The following HCN1 variants were observed in gnomAD, a reference collection of about 807,000 sequenced individuals.
The protein encoded by HCN1 is hyperpolarization activated cyclic nucleotide gated potassium channel 1, also known as potassium/sodium hyperpolarization-activated cyclic nucleotide-gated channel 1.
In HCN1, 13 loss-of-function variants were observed where a neutral mutation model predicts 78.9. The ratio of observed to expected loss-of-function variants is 0.16; its 90% CI spans 0.11 to 0.26. The LOEUF (loss-of-function observed/expected upper bound fraction) is 0.26, where lower values mean the gene tolerates loss of function less well. HCN1 is among the 10% of genes least tolerant of loss of function. HCN1 has a pLI of 1.00. For synonymous variants in HCN1, 552 were observed against 455.5 expected (o/e 1.21, Z -2.70); for missense variants, 810 against 1,154.3 (o/e 0.70, Z 4.32).
intron 3 of HCN1, among the ~76,000 whole-genome samples, chr5:45,430,539 T>C (rs950134474): frequency 1.4e-4 from 21 of 152,124 alleles, no homozygotes; most frequent in Non-Finnish European, 2.9e-5. Context: ...CGAGAATATG[T>C]GGTATTATTC....
At chr5:45,365,956 TA>T (rs1364469681) in intron 4 of HCN1, among the ~76,000 whole-genome samples, 1 of 151,870 alleles carries the variant, frequency 6.6e-6, no homozygotes, top group East Asian at 1.9e-4. Context: ...TTTAATTTCT[TA>T]AAATTAGATG....
chr5:45,592,885 C>A (rs1341147934), intron 2 of HCN1, among the ~76,000 whole-genome samples: 2 of 152,144 alleles, frequency 1.3e-5, no homozygotes, highest in Non-Finnish European at 2.9e-5. Flanking sequence ...GCCTAGATAA[C>A]TTCACTTAGG....
At position 45,369,517 on chromosome 5, in the gene HCN1, G is replaced by A. The variant is rs546236625; in HGVS notation, c.1231-16271C>T. Among the ~76,000 whole-genome samples, 539 of 152,166 alleles carry A rather than the reference G, an allele frequency of 3.5e-3. 3 individuals are homozygous for A. Among genetic ancestry groups the A allele is most frequent in the Non-Finnish European group, 6.5e-3 (439 of 68,002 alleles). On this transcript the variant is annotated intron_variant, in intron 4 of 7. Transcript: ENST00000303230. ...GTCCTTGCTCACTCAGCCCCAGCCTGATTGGTACTCTCAAGCCTGGAAGGA... is the reference window on the plus strand; with the variant it reads ...GTCCTTGCTCACTCAGCCCCAGCCTAATTGGTACTCTCAAGCCTGGAAGGA...
In HCN1 at chr5:45,255,968, G is replaced by A. The variant is rs1265325039; in HGVS notation, c.*5953C>T. ...ATATAATCTATTGGAAACATAAAGT[G>A]GTCCTCTTTTGAAGAATTATTATAT... On this transcript the variant is annotated 3_prime_UTR_variant, in exon 8 of 8. Transcript: ENST00000303230. 1 of 151,980 alleles carries A rather than the reference G, an allele frequency of 6.6e-6. No homozygotes were observed. The highest frequency in any genetic ancestry group is 1.5e-5 in the Non-Finnish European group (1 of 68,004). The allele number at this position is 151,980 out of a possible 1,614,324, so 9.4% of individuals were successfully genotyped here.
At chr5:45,436,369 G>A (rs964242852) in intron 3 of HCN1, among the ~76,000 whole-genome samples, 1 of 152,144 alleles carries the variant, frequency 6.6e-6, no homozygotes, top group Non-Finnish European at 1.5e-5. Context: ...CTTAAGGCAG[G>A]GGGGAGGTTC....
intron 2 of HCN1, among the ~76,000 whole-genome samples, chr5:45,561,318 T>C (rs1743596774): frequency 6.6e-6 from 1 of 152,100 alleles, no homozygotes. Flanking sequence ...TTTTTTGGCA[T>C]ATTATTTATT....
intron 2 of HCN1, among the ~76,000 whole-genome samples, chr5:45,633,738 GTC>G (rs922100526): frequency 4.6e-5 from 7 of 151,864 alleles, no homozygotes; most frequent in Non-Finnish European, 1.0e-4. Context: ...TCACATGAAA[GTC>G]TCTCATTTTT....
At chr5:45,526,147 G>C (rs1415845430) in intron 2 of HCN1, among the ~76,000 whole-genome samples, 2 of 152,054 alleles carry the variant, frequency 1.3e-5, no homozygotes, top group African/African-American at 2.4e-5. Context: ...TAATTTGTTA[G>C]AGCGGCCCAG....
rs147251558 is a variant in HCN1, at chr5:45,515,655, A to T, written c.850-53648T>A. On this transcript the variant is annotated intron_variant, in intron 2 of 7. Transcript: ENST00000303230. ...TATTCCTGCAATGATACCATAAGAA[A>T]ATGAGGCTACAATTCTACTAACGTC... is the stretch of plus-strand genomic sequence containing the variant. Among the ~76,000 whole-genome samples the T allele has an allele frequency of 1.1e-4, 16 of 152,072 alleles. 1 individual carries two copies. The East Asian group carries it at 3.1e-3, about 29-fold the overall frequency.
At chr5:45,354,723 G>A (rs1169450245) in intron 4 of HCN1, among the ~76,000 whole-genome samples, 1 of 151,972 alleles carries the variant, frequency 6.6e-6, no homozygotes, top group Non-Finnish European at 1.5e-5. Flanking sequence ...TAACCAGACT[G>A]TCCATCAAAC....
At position 45,695,935 on chromosome 5, in the gene HCN1, G is replaced by A. The variant is rs10066808; in HGVS notation, c.159C>T (p.His53=). The A allele has an allele frequency of 2.8e-5, 40 of 1,423,114 alleles. No homozygotes were observed. In the African/African-American group the frequency reaches 5.0e-4, roughly 18 times the overall value. 88.2% of individuals were successfully genotyped at this position (1,423,114 alleles called of 1,614,324 possible). ...PGGGGAGAKE[H]GNSVCFKVDG... is the part of the protein sequence containing the mutation. ...CCACCTTGAAGCACACGGAGTTGCC[G>A]TGCTCCTTCGCGCCGGCCCCGCCGC... Residue 53 remains histidine (H), a synonymous_variant, in exon 1 of 8, where the codon CAC becomes CAT. Coordinates refer to ENST00000303230, the MANE Select transcript of HCN1 (RefSeq NM_021072.4).
At chr5:45,679,534 A>G (rs4437383) in intron 1 of HCN1, among the ~76,000 whole-genome samples, 41,308 of 151,886 alleles carry the variant, frequency 0.27, 5,702 homozygotes, top group East Asian at 0.32. Context: ...ACAACATAGA[A>G]GCATGCATTT....
chr5:45,460,368 C>A (rs1311872013), intron 3 of HCN1, among the ~76,000 whole-genome samples: 1 of 152,008 alleles, frequency 6.6e-6, no homozygotes, highest in Non-Finnish European at 1.5e-5. Context: ...AACGTGCTGG[C>A]ACCTTCATCT....
intron 2 of HCN1, among the ~76,000 whole-genome samples, chr5:45,585,354 C>A (rs940090257): frequency 4.6e-5 from 7 of 152,136 alleles, no homozygotes; most frequent in Non-Finnish European, 7.3e-5. Flanking sequence ...TCATGTAGTT[C>A]TCGTGCCATG....
At chr5:45,302,133 G>A (rs1745638885) in intron 6 of HCN1, among the ~76,000 whole-genome samples, 1 of 152,012 alleles carries the variant, frequency 6.6e-6, no homozygotes, top group South Asian at 2.1e-4. Flanking sequence ...AAGATAATAT[G>A]GTTTGGCTCT....
intron 1 of HCN1, among the ~76,000 whole-genome samples, chr5:45,664,472 GAAA>G (rs755491134): frequency 8.2e-6 from 1 of 122,452 alleles, no homozygotes; most frequent in Non-Finnish European, 1.8e-5. Context: ...ATAAAAAAAA[GAAA>G]AAAAAAAAAA....
chr5:45,407,951 T>G (rs1373564508), intron 3 of HCN1, among the ~76,000 whole-genome samples: 1 of 152,064 alleles, frequency 6.6e-6, no homozygotes, highest in African/African-American at 2.4e-5. Flanking sequence ...CTTATGTGTG[T>G]GCTTGTGTCT....
At chr5:45,632,301 G>GTA (rs1422752635) in intron 2 of HCN1, among the ~76,000 whole-genome samples, 1 of 151,844 alleles carries the variant, frequency 6.6e-6, no homozygotes, top group Non-Finnish European at 1.5e-5. Flanking sequence ...GTGTGTGTGT[G>GTA]TGTCTGTTTC....
intron 2 of HCN1, among the ~76,000 whole-genome samples, chr5:45,473,587 T>C (rs890566303): frequency 6.6e-6 from 1 of 151,738 alleles, no homozygotes; most frequent in African/African-American, 2.4e-5. Context: ...TCTTTTTTTT[T>C]CTTCCTATAT....
Sources: gnomAD v4.1 joint callset for allele counts (sites outside exome capture counted in the v4.1 genomes callset) on GRCh38, gnomAD v4.1.1 for gene constraint, MANE v1.5 for transcripts, NCBI Gene and HGNC (gene_info 2026-07-23, HGNC 2026-07-21) for gene names.